The following MROH1 variants were observed in gnomAD, a reference collection of about 807,000 sequenced individuals.
The protein encoded by MROH1 is maestro heat like repeat family member 1.
MROH1 carries 117 observed loss-of-function variants against 116.5 expected under a neutral mutation model. The ratio of observed to expected loss-of-function variants is 1.00; its 90% CI spans 0.86 to 1.17. The LOEUF is 1.17. Among genes scored for constraint, MROH1 ranks in the 50% most tolerant of loss-of-function variants. MROH1 has a pLI of 0.00. For missense variants in MROH1, 1,873 were observed against 1,338.5 expected, an observed-to-expected ratio of 1.40 and a Z score of -6.23; for synonymous variants, 921 against 583.9, an observed-to-expected ratio of 1.58 and a Z score of -8.32.
intron 34 of MROH1, 139 bp from the exon 35 acceptor site, chr8:144,255,370 C>G: frequency 1.5e-6 from 1 of 666,468 alleles, no homozygotes; most frequent in Non-Finnish European, 2.8e-6. Context: ...GTGCGCCTCG[C>G]CCTTCCTGCG....
Position 144,216,202 on chromosome 8 carries a change from C to T in MROH1, c.1142-4398C>T, listed in dbSNP as rs1422263223. On this transcript the variant is annotated intron_variant, in intron 12 of 43. Coordinates refer to ENST00000326134, the MANE Select transcript of MROH1 (RefSeq NM_032450.3). ...CTCAAAAAAAACAAAGAGCCTGGCT[C>T]AGTGGCTCATGCCTGTAATCCCAGC... Among the ~76,000 whole-genome samples, 5 of 151,546 alleles carry T rather than the reference C, an allele frequency of 3.3e-5. No homozygotes were observed. In the East Asian group the frequency reaches 9.8e-4, roughly 30 times the overall value.
intron 30 of MROH1, 31 bp downstream of exon 30, chr8:144,247,467 T>C: frequency 1.3e-6 from 1 of 767,410 alleles, no homozygotes; most frequent in Non-Finnish European, 2.4e-6. Context: ...TGGGGGCCAG[T>C]GGTCGTGCAG....
At chr8:144,185,785 G>A in intron 7 of MROH1, among the ~76,000 whole-genome samples, 1 of 97,152 alleles carries the variant, frequency 1.0e-5, no homozygotes, top group Non-Finnish European at 2.0e-5. Context: ...TGCGGGGACC[G>A]TGGGGGGAGG....
chr8:144,234,497 C>CTTTTTTTTTTTTTTTTTTTTT, intron 14 of MROH1, among the ~76,000 whole-genome samples: 1 of 20,656 alleles, frequency 4.8e-5, no homozygotes, highest in Non-Finnish European at 1.1e-4. Context: ...CTTTCTTTTT[C>CTTTTTTTTTTTTTTTTTTTTT]GTTTTTTTTT....
At chr8:144,198,723 T>TG (rs1427471174) in intron 10 of MROH1, among the ~76,000 whole-genome samples, 1 of 152,200 alleles carries the variant, frequency 6.6e-6, no homozygotes, top group Non-Finnish European at 1.5e-5. Context: ...CTGGGCCTCA[T>TG]GCCTGGGGCA....
intron 4 of MROH1, among the ~76,000 whole-genome samples, chr8:144,168,705 A>T (rs1821643779): frequency 6.6e-6 from 1 of 152,108 alleles, no homozygotes; most frequent in Admixed American, 6.5e-5. Flanking sequence ...TTACTCACTA[A>T]GTGGAGGCCT....
chr8:144,213,681 C>T (rs1282132225), intron 12 of MROH1, among the ~76,000 whole-genome samples: 1 of 152,012 alleles, frequency 6.6e-6, no homozygotes, highest in Non-Finnish European at 1.5e-5. Context: ...CCCAGCTACT[C>T]AGGAGGCTGA....
chr8:144,255,156 G>A (rs1445008416), intron 34 of MROH1, among the ~76,000 whole-genome samples, 178 bp downstream of exon 34: 1 of 152,214 alleles, frequency 6.6e-6, no homozygotes, highest in Non-Finnish European at 1.5e-5. Flanking sequence ...TGGGCCCCCA[G>A]GGGAGGCCAC....
At chr8:144,168,532 G>T in intron 4 of MROH1, 92 bp downstream of exon 4, 1 of 1,466,574 alleles carries the variant, frequency 6.8e-7, no homozygotes, top group East Asian at 2.3e-5. Flanking sequence ...GCCAGGAGCA[G>T]TGGGTCGGGT....
intron 32 of MROH1, among the ~76,000 whole-genome samples, chr8:144,249,955 G>A (rs2133146143): frequency 6.6e-6 from 1 of 152,340 alleles, no homozygotes. Context: ...TGGGCCACAT[G>A]TGCCCTTGGC....
chr8:144,152,057 C>T (rs1816935070), intron 1 of MROH1, among the ~76,000 whole-genome samples: 2 of 152,318 alleles, frequency 1.3e-5, no homozygotes. Context: ...CCTTTGCATA[C>T]AGTAGTCCTT....
Position 144,260,076 on chromosome 8 carries a change from C to T in MROH1, c.4191+19C>T. On this transcript the variant is annotated intron_variant, in intron 38 of 43. Coordinates refer to ENST00000326134, the MANE Select transcript of MROH1 (RefSeq NM_032450.3). ...TGACAAGGTGGGGTGGCCACCAGCCCCTCTGGGTCCCAGGCAGCATGGGTG... is the reference window on the plus strand; with the variant it reads ...TGACAAGGTGGGGTGGCCACCAGCCTCTCTGGGTCCCAGGCAGCATGGGTG... 1.4e-6 allele frequency: 1 copy of T among 731,042 alleles called. No individual in the cohort carries two copies. Among genetic ancestry groups the T allele is most frequent in the Non-Finnish European group, 2.5e-6 (1 of 401,788 alleles). The allele number at this position is 731,042 out of a possible 1,614,324, so 45.3% of individuals were successfully genotyped here.
chr8:144,260,420 C>T (rs2130067958), intron 39 of MROH1, 46 bp downstream of exon 39: 1 of 701,950 alleles, frequency 1.4e-6, no homozygotes, highest in South Asian at 1.5e-5. Context: ...CCAGCCCTTC[C>T]TGCCTCTTAC....
chr8:144,185,724 G>T (rs1303306829), intron 7 of MROH1, among the ~76,000 whole-genome samples: 3 of 72,190 alleles, frequency 4.2e-5, no homozygotes, highest in African/African-American at 2.2e-4. Context: ...GAGGGGCGGC[G>T]GGGGGACGGT....
In MROH1 at chr8:144,227,581, G is replaced by A. The variant is rs1838040895; in HGVS notation, c.1338+4351G>A. Among the ~76,000 whole-genome samples, 3 of 151,586 alleles carry A rather than the reference G, an allele frequency of 2.0e-5. No individual in the cohort carries two copies. The South Asian group carries it at 6.2e-4, about 32-fold the overall frequency. The stretch of plus-strand genomic sequence containing the variant: ...GATCACTGGAGCCTGGGAGGCAGAG[G>A]TTGCAGTGAGCCAAGATCATGCCAT... On this transcript the variant is annotated intron_variant, in intron 14 of 43. Transcript: ENST00000326134.
At chr8:144,150,675 G>C (rs1330449651) in intron 1 of MROH1, among the ~76,000 whole-genome samples, 1 of 152,208 alleles carries the variant, frequency 6.6e-6, no homozygotes, top group African/African-American at 2.4e-5. Context: ...TTTGTAGGTG[G>C]TGGGACAGGG....
At position 144,247,352 on chromosome 8, in the gene MROH1, C is replaced by A; in HGVS notation, c.2923C>A (p.Arg975=). The A allele has an allele frequency of 1.3e-6, 1 of 772,944 alleles. No homozygotes were observed. Among genetic ancestry groups the A allele is most frequent in the Non-Finnish European group, 2.4e-6 (1 of 415,164 alleles). The allele number at this position is 772,944 out of a possible 1,614,324, so 47.9% of individuals were successfully genotyped here. ...LGLLIGLFSP[R]CADLWPATRQ... ...CCTTCTCATCGGCCTCTTCTCCCCA[C>A]GGTGTGCGGACCTGTGGCCTGCCAC... The change falls in exon 30 of 44, where the codon CGG becomes AGG. Residue 975 remains arginine, a synonymous_variant. Transcript: ENST00000326134.
chr8:144,218,029 T>G (rs1835656385), intron 12 of MROH1, among the ~76,000 whole-genome samples: 1 of 140,812 alleles, frequency 7.1e-6, no homozygotes. Flanking sequence ...TCTGGGTGGC[T>G]GCGTTAGTGG....
chr8:144,169,979 G>A (rs1822035953), intron 4 of MROH1, among the ~76,000 whole-genome samples: 1 of 152,192 alleles, frequency 6.6e-6, no homozygotes. Flanking sequence ...GATTACAGGT[G>A]CCTGCCACCA....
Sources: gnomAD v4.1 joint callset for allele counts (sites outside exome capture counted in the v4.1 genomes callset) on GRCh38, gnomAD v4.1.1 for gene constraint, MANE v1.5 for transcripts, NCBI Gene and HGNC (gene_info 2026-07-23, HGNC 2026-07-21) for gene names.